Variants in EPHB1 observed in about 807,000 individuals in gnomAD.
EPHB1 encodes the protein ephrin type-B receptor 1.
EPHB1 carries 30 observed loss-of-function variants against 94.4 expected under a neutral mutation model. The ratio of observed to expected loss-of-function variants is 0.32; its 90% CI spans 0.24 to 0.43. The LOEUF is 0.43. Among genes scored for constraint, EPHB1 ranks in the 20% least tolerant of loss-of-function variants. EPHB1 has a pLI of 1.00. For missense variants in EPHB1, 1,055 were observed against 1,308.3 expected (o/e 0.81, Z 2.99); for synonymous variants, 522 against 489.1 (o/e 1.07, Z -0.89).
At chr3:134,880,048 C>T (rs964095108) in intron 1 of EPHB1, among the ~76,000 whole-genome samples, 1 of 152,228 alleles carries the variant, frequency 6.6e-6, no homozygotes, top group Non-Finnish European at 1.5e-5. Context: ...TTCCCTGATG[C>T]TGCACTTTCC....
At chr3:135,243,330 G>C (rs796508469) in intron 13 of EPHB1, among the ~76,000 whole-genome samples, 7 of 152,288 alleles carry the variant, frequency 4.6e-5, no homozygotes, top group African/African-American at 1.7e-4. Context: ...TAAACACTGT[G>C]CTTGCTGATT....
At chr3:134,908,985 A>G (rs1313081483) in intron 1 of EPHB1, among the ~76,000 whole-genome samples, 3 of 151,874 alleles carry the variant, frequency 2.0e-5, no homozygotes, top group Admixed American at 6.6e-5. Flanking sequence ...GAATCCATCA[A>G]CAGAGGTAGG....
chr3:135,031,229 G>A (rs1453965338), intron 3 of EPHB1, among the ~76,000 whole-genome samples: 1 of 152,070 alleles, frequency 6.6e-6, no homozygotes, highest in Non-Finnish European at 1.5e-5. Flanking sequence ...GTTCCTATTC[G>A]GCCCTCTTGG....
chr3:135,131,712 G>C (rs898750600), intron 4 of EPHB1, among the ~76,000 whole-genome samples: 1 of 152,178 alleles, frequency 6.6e-6, no homozygotes, highest in Non-Finnish European at 1.5e-5. Context: ...CCACAGTTTT[G>C]CAACAAGGCA....
intron 1 of EPHB1, among the ~76,000 whole-genome samples, chr3:134,881,183 A>G (rs1050952863): frequency 9.9e-5 from 15 of 152,114 alleles, no homozygotes; most frequent in African/African-American, 3.1e-4. Flanking sequence ...GAGCCCTTGT[A>G]TGCTGTTTCC....
chr3:135,104,714 G>A (rs1242934434), intron 3 of EPHB1, among the ~76,000 whole-genome samples: 2 of 152,214 alleles, frequency 1.3e-5, no homozygotes, highest in African/African-American at 2.4e-5. Context: ...TGTCATAGGT[G>A]TTAACAATCC....
At chr3:134,820,590 G>T (rs2036361784) in intron 1 of EPHB1, among the ~76,000 whole-genome samples, 1 of 152,204 alleles carries the variant, frequency 6.6e-6, no homozygotes, top group Admixed American at 6.5e-5. Context: ...GCAGAGACAA[G>T]CAGCCAGAAT....
chr3:134,993,132 T>C (rs1231242251), intron 3 of EPHB1, among the ~76,000 whole-genome samples: 2 of 152,194 alleles, frequency 1.3e-5, no homozygotes, highest in African/African-American at 2.4e-5. Context: ...GTAATCCCCA[T>C]TAAGAGGTTG....
chr3:135,137,692 A>G (rs1330268998), intron 5 of EPHB1, among the ~76,000 whole-genome samples: 4 of 152,136 alleles, frequency 2.6e-5, no homozygotes, highest in African/African-American at 9.7e-5. Context: ...TCCTAGTACT[A>G]TAGGGACAAG....
chr3:134,925,759 T>G (rs1265010817), intron 1 of EPHB1, 57 bp from the exon 2 acceptor site: 5 of 1,461,294 alleles, frequency 3.4e-6, no homozygotes, highest in Non-Finnish European at 3.7e-6. Flanking sequence ...GGCCACTGTA[T>G]AGCAATCCTT....
intron 3 of EPHB1, among the ~76,000 whole-genome samples, chr3:134,976,085 G>A (rs758281900): frequency 2.0e-5 from 3 of 152,206 alleles, no homozygotes; most frequent in Non-Finnish European, 2.9e-5. Context: ...GGGTATTTCA[G>A]GCCCTCTGTA....
chr3:134,980,274 G>A (rs1332132993), intron 3 of EPHB1, among the ~76,000 whole-genome samples: 4 of 152,072 alleles, frequency 2.6e-5, no homozygotes, highest in East Asian at 1.9e-4. Context: ...TGGTGGTCTC[G>A]GTGCAATTGG....
At chr3:134,927,551 G>T (rs931492083) in intron 2 of EPHB1, among the ~76,000 whole-genome samples, 8 of 152,200 alleles carry the variant, frequency 5.3e-5, no homozygotes, top group South Asian at 2.1e-4. Flanking sequence ...TTAAGAATTT[G>T]CCATCTTTTA....
chr3:135,166,039 G>A lies in EPHB1; in HGVS notation c.1657G>A (p.Val553Ile), dbSNP rs1174327737. 44 of 1,613,776 alleles carry A rather than the reference G, an allele frequency of 2.7e-5. No individual in the cohort carries two copies. Among genetic ancestry groups the A allele is most frequent in the South Asian group, 5.5e-5 (5 of 91,080 alleles). Residue 553 changes from valine (V) to isoleucine (I), a missense_variant, in exon 8 of 16, where the codon GTT becomes ATT. Val to Ile is a conservative substitution (Grantham distance 29, BLOSUM62 3). Coordinates refer to ENST00000398015, the MANE Select transcript of EPHB1 (RefSeq NM_004441.5). ...CTCGGCAGCGGCCGGGGTCGTGTTCGTTGTGTCCTTGGTGGCCATCTCTAT... is the reference window on the plus strand; with the variant it reads ...CTCGGCAGCGGCCGGGGTCGTGTTCATTGTGTCCTTGGTGGCCATCTCTAT... The part of the protein sequence containing the change: ...AGSAAAGVVF[V>I]VSLVAISIVC...
chr3:134,989,896 C>T (rs896137166), intron 3 of EPHB1, among the ~76,000 whole-genome samples: 1 of 152,178 alleles, frequency 6.6e-6, no homozygotes, highest in Non-Finnish European at 1.5e-5. Context: ...TAACCCCTTG[C>T]TATGAAAGAT....
At chr3:135,193,464 A>C (rs1204270573) in intron 11 of EPHB1, among the ~76,000 whole-genome samples, 1 of 152,206 alleles carries the variant, frequency 6.6e-6, no homozygotes, top group Non-Finnish European at 1.5e-5. Context: ...GCCCACAATG[A>C]AACCATTTTC....
At chr3:135,131,803 T>C (rs977287762) in intron 4 of EPHB1, among the ~76,000 whole-genome samples, 6 of 152,204 alleles carry the variant, frequency 3.9e-5, no homozygotes, top group Non-Finnish European at 8.8e-5. Context: ...TGAGTCCCAG[T>C]GAGCCTGTCT....
intron 6 of EPHB1, 150 bp downstream of exon 6, chr3:135,154,426 G>A: frequency 7.2e-6 from 8 of 1,109,794 alleles, no homozygotes; most frequent in Middle Eastern, 3.1e-4. Flanking sequence ...GAGTTCTCCA[G>A]GTCTGCCCTG....
chr3:135,167,079 C>A (rs1026445378), intron 9 of EPHB1, 73 bp downstream of exon 9: 1 of 1,553,670 alleles, frequency 6.4e-7, no homozygotes, highest in African/African-American at 1.4e-5. Context: ...GCTCAGAGCT[C>A]TCTTTATAGC....
Sources: gnomAD v4.1 joint callset for allele counts (sites outside exome capture counted in the v4.1 genomes callset) on GRCh38, gnomAD v4.1.1 for gene constraint, MANE v1.5 for transcripts, NCBI Gene and HGNC (gene_info 2026-07-23, HGNC 2026-07-21) for gene names.